The following STXBP5L variants were observed in gnomAD, a reference collection of about 807,000 sequenced individuals.
STXBP5L encodes syntaxin-binding protein 5-like.
In STXBP5L, 65 loss-of-function variants were observed where a neutral mutation model predicts 144.5. The observed-to-expected ratio is 0.45, with a 90% CI of 0.37 to 0.55. The LOEUF (loss-of-function observed/expected upper bound fraction) is 0.55. Among genes scored for constraint, STXBP5L ranks in the 20% least tolerant of loss-of-function variants. The pLI is 0.00. For missense variants in STXBP5L, 1,298 were observed against 1,405.5 expected, an observed-to-expected ratio of 0.92 and a Z score of 1.22; for synonymous variants, 505 against 469.6, an observed-to-expected ratio of 1.08 and a Z score of -0.97.
rs561394479 is a variant in STXBP5L at position 121,193,082 on chromosome 3, G to A, written c.878-12841G>A. 8.6e-4 allele frequency among the ~76,000 whole-genome samples: 122 copies of A among 142,552 alleles called. 15 individuals are homozygous for A. The highest frequency in any genetic ancestry group is 3.0e-3 in the African/African-American group (117 of 38,674). The allele number at this position is 142,552 out of a possible 152,430, so 93.5% of individuals were successfully genotyped here. ...TTTTACAATCTACCTATCTGACAAAGGGCTAATATCCAGAATCTACAAAGA... is the reference window on the plus strand; with the variant it reads ...TTTTACAATCTACCTATCTGACAAAAGGCTAATATCCAGAATCTACAAAGA... On this transcript the variant is annotated intron_variant, in intron 9 of 26. Coordinates refer to ENST00000471454, the MANE Select transcript of STXBP5L (RefSeq NM_001308330.2).
chr3:121,220,857 G>A (rs2048952298), intron 10 of STXBP5L, among the ~76,000 whole-genome samples: 1 of 151,874 alleles, frequency 6.6e-6, no homozygotes, highest in Non-Finnish European at 1.5e-5. Context: ...TGTATAAAAT[G>A]GGACTAATAG....
chr3:120,942,344 A>G (rs1710608766), intron 2 of STXBP5L, among the ~76,000 whole-genome samples: 1 of 151,612 alleles, frequency 6.6e-6, no homozygotes, highest in Non-Finnish European at 1.5e-5. Flanking sequence ...TGGTATTGTA[A>G]TTTCTGTAGT....
At chr3:121,016,575 T>C (rs1945161063) in intron 3 of STXBP5L, among the ~76,000 whole-genome samples, 1 of 152,090 alleles carries the variant, frequency 6.6e-6, no homozygotes, top group Non-Finnish European at 1.5e-5. Context: ...AGGAAGGCAA[T>C]TGGGGGTGGG....
At chr3:121,345,487 A>G (rs1227024479) in intron 20 of STXBP5L, among the ~76,000 whole-genome samples, 1 of 152,058 alleles carries the variant, frequency 6.6e-6, no homozygotes, top group Non-Finnish European at 1.5e-5. Flanking sequence ...ATATGTCTTC[A>G]TAGTAGCATG....
intron 3 of STXBP5L, among the ~76,000 whole-genome samples, chr3:120,999,582 T>C (rs1943610976): frequency 6.6e-6 from 1 of 152,208 alleles, no homozygotes; most frequent in African/African-American, 2.4e-5. Flanking sequence ...TCAAGATTAA[T>C]ATTGACATGT....
intron 9 of STXBP5L, among the ~76,000 whole-genome samples, chr3:121,178,674 G>A (rs1191310): frequency 0.21 from 32,439 of 152,028 alleles, 3,694 homozygotes; most frequent in Non-Finnish European, 0.26. Flanking sequence ...GATCACAGGA[G>A]AAGGCTTTAA....
At chr3:121,360,468 C>G (rs1164803006) in intron 20 of STXBP5L, among the ~76,000 whole-genome samples, 1 of 151,880 alleles carries the variant, frequency 6.6e-6, no homozygotes, top group African/African-American at 2.4e-5. Flanking sequence ...TTTGTGTCTT[C>G]TCTTCCTTCT....
At chr3:121,079,743 G>A (rs1181585682) in intron 5 of STXBP5L, among the ~76,000 whole-genome samples, 1 of 152,190 alleles carries the variant, frequency 6.6e-6, no homozygotes, top group Non-Finnish European at 1.5e-5. Flanking sequence ...TTTGTGGCCT[G>A]TCATGGTCTA....
At chr3:121,413,434 A>G in intron 24 of STXBP5L, 111 bp downstream of exon 24, 10 of 927,686 alleles carry the variant, frequency 1.1e-5, no homozygotes, top group Non-Finnish European at 1.5e-5. Context: ...TGCCCTTCCA[A>G]TAACATGTTT....
At chr3:121,020,638 A>G (rs567911026) in intron 3 of STXBP5L, among the ~76,000 whole-genome samples, 100 of 152,298 alleles carry the variant, frequency 6.6e-4, no homozygotes, top group African/African-American at 2.4e-3. Context: ...TTATCAGGCA[A>G]GAATTTTTTA....
intron 9 of STXBP5L, among the ~76,000 whole-genome samples, chr3:121,201,397 C>T (rs1005473711): frequency 1.3e-5 from 2 of 152,076 alleles, no homozygotes; most frequent in African/African-American, 4.8e-5. Context: ...TTATTTTGAG[C>T]CTAAGTATGT....
intron 20 of STXBP5L, among the ~76,000 whole-genome samples, chr3:121,339,830 T>G (rs1281574192): frequency 2.2e-5 from 3 of 139,034 alleles, no homozygotes; most frequent in Non-Finnish European, 4.6e-5. Flanking sequence ...AAAAAAAAAC[T>G]AGGAATACAT....
chr3:121,304,754 A>AT (rs928543693), intron 19 of STXBP5L, among the ~76,000 whole-genome samples: 19 of 151,764 alleles, frequency 1.3e-4, no homozygotes, highest in Admixed American at 5.9e-4. Flanking sequence ...GTTATGTTAG[A>AT]TTTTTTTTTA....
intron 10 of STXBP5L, among the ~76,000 whole-genome samples, chr3:121,215,123 T>C (rs2048728222): frequency 6.6e-6 from 1 of 152,208 alleles, no homozygotes; most frequent in Non-Finnish European, 1.5e-5. Context: ...GTCTCCGTAA[T>C]ACAGCACACT....
At chr3:121,168,088 G>C (rs761041076) in intron 9 of STXBP5L, among the ~76,000 whole-genome samples, 1 of 152,100 alleles carries the variant, frequency 6.6e-6, no homozygotes, top group East Asian at 1.9e-4. Context: ...GGAGAAAAAG[G>C]CCCTGACTCT....
chr3:121,407,294 G>T lies in STXBP5L; in HGVS notation c.2639G>T (p.Arg880Leu). ...GAVLTFSCMD[R>L]MGGLMQPPYE... The stretch of plus-strand genomic sequence containing the variant: ...GTGCTAACATTCTCCTGTATGGACC[G>T]AATGGGTGGATTAATGCAACCGCCA... The change falls in exon 23 of 27, where the codon CGA (arginine) becomes CTA (leucine). Residue 880 changes from arginine to leucine, a missense_variant. By Grantham distance (102) the Arg-to-Leu change is moderately radical. Coordinates refer to ENST00000471454, the MANE Select transcript of STXBP5L (RefSeq NM_001308330.2). 1 of 1,609,874 alleles carries T rather than the reference G, an allele frequency of 6.2e-7. No homozygotes were observed. The highest frequency in any genetic ancestry group is 2.2e-5 in the East Asian group (1 of 44,828).
chr3:121,097,398 A>G (rs1215432197), intron 5 of STXBP5L, among the ~76,000 whole-genome samples: 1 of 152,096 alleles, frequency 6.6e-6, no homozygotes. Flanking sequence ...GTTTTCCCTA[A>G]TGGCCACCCA....
intron 5 of STXBP5L, among the ~76,000 whole-genome samples, chr3:121,060,113 A>G (rs963542604): frequency 6.6e-6 from 1 of 152,128 alleles, no homozygotes; most frequent in Non-Finnish European, 1.5e-5. Context: ...TGGGTTTGTC[A>G]TAAATAGCTC....
At chr3:121,025,119 A>T (rs1424171430) in intron 3 of STXBP5L, among the ~76,000 whole-genome samples, 1 of 151,624 alleles carries the variant, frequency 6.6e-6, no homozygotes, top group African/African-American at 2.4e-5. Flanking sequence ...CACCCAACTC[A>T]ATTAATAAGA....
Sources: allele counts gnomAD v4.1 joint callset (sites outside exome capture counted in the v4.1 genomes callset), GRCh38; gene constraint gnomAD v4.1.1; transcripts MANE v1.5; gene names NCBI Gene and HGNC (gene_info 2026-07-23, HGNC 2026-07-21).